Variants in SEPTIN10 observed in about 807,000 individuals in gnomAD.
SEPTIN10 encodes septin 10.
In SEPTIN10, 66 loss-of-function variants were observed where a neutral mutation model predicts 54.8. The ratio of observed to expected loss-of-function variants is 1.21; its 90% confidence interval spans 0.99 to 1.48. SEPTIN10 has a LOEUF of 1.48. Ranked by LOEUF, SEPTIN10 falls within the 40% of genes most tolerant of loss-of-function variation. The pLI, the probability that SEPTIN10 is intolerant of heterozygous loss-of-function variation, is 0.00. For missense variants in SEPTIN10, 620 were observed against 545.6 expected, an observed-to-expected ratio of 1.14 and a Z score of -1.36; for synonymous variants, 161 against 181.0, an observed-to-expected ratio of 0.89 and a Z score of 0.89.
chr2:109,548,775 C>CAAAAAAAAAAAAA (rs57096452), intron 9 of SEPTIN10, among the ~76,000 whole-genome samples: 2 of 63,542 alleles, frequency 3.1e-5, no homozygotes, highest in Non-Finnish European at 3.0e-5. Context: ...GGCTCCATCT[C>CAAAAAAAAAAAAA]AAAAAAAAAA....
intron 1 of SEPTIN10, among the ~76,000 whole-genome samples, chr2:109,610,508 A>ACTG (rs1699026781): frequency 6.6e-6 from 1 of 152,194 alleles, no homozygotes; most frequent in Non-Finnish European, 1.5e-5. Context: ...TGAGGTTGGG[A>ACTG]GTTCAAGACC....
chr2:109,596,222 G>A (rs920974390), intron 1 of SEPTIN10, among the ~76,000 whole-genome samples: 1 of 152,054 alleles, frequency 6.6e-6, no homozygotes, highest in Non-Finnish European at 1.5e-5. Flanking sequence ...AAAATTACTG[G>A]TAAAAAAGTG....
rs202212880 is a variant in SEPTIN10 at position 109,567,863 on chromosome 2, C to A, written c.714G>T (p.Gln238His). The change falls in exon 6 of 11, where the codon CAG (glutamine) becomes CAT (histidine). Residue 238 changes from glutamine to histidine, a missense_variant. Physicochemically the swap from Gln to His is conservative, Grantham distance 24. Coordinates refer to ENST00000397712, the MANE Select transcript of SEPTIN10 (RefSeq NM_144710.5). Reference sequence around the variant, plus strand: ...CAATAGTGTCATCATCCGTTGGGAACTGGTATATCTGGACGCCATTGCTGA... The same window carrying A: ...CAATAGTGTCATCATCCGTTGGGAAATGGTATATCTGGACGCCATTGCTGA... ...ELVSNGVQIY[Q>H]FPTDDDTIAK... 1.9e-6 allele frequency: 3 copies of A among 1,613,192 alleles called. No individual in the cohort carries two copies. Among genetic ancestry groups the A allele is most frequent in the Admixed American group, 1.7e-5 (1 of 59,848 alleles).
intron 5 of SEPTIN10, among the ~76,000 whole-genome samples, chr2:109,569,079 G>C (rs1169818358): frequency 6.6e-6 from 1 of 152,106 alleles, no homozygotes; most frequent in Non-Finnish European, 1.5e-5. Flanking sequence ...AAAAACCTCA[G>C]GCTAATCAGT....
intron 1 of SEPTIN10, among the ~76,000 whole-genome samples, chr2:109,612,658 T>C (rs566731180): frequency 3.9e-5 from 6 of 152,314 alleles, no homozygotes; most frequent in Admixed American, 2.0e-4. Flanking sequence ...ACGTAATCTA[T>C]GAATCAAAGA....
At chr2:109,557,511 A>C (rs1469814067) in intron 8 of SEPTIN10, among the ~76,000 whole-genome samples, 1 of 152,252 alleles carries the variant, frequency 6.6e-6, no homozygotes, top group Admixed American at 6.5e-5. Context: ...ACTTGTTCCA[A>C]AGTCCATATT....
At position 109,574,637 on chromosome 2, in the gene SEPTIN10, T is replaced by C. The variant is rs1380835284; in HGVS notation, c.544A>G (p.Thr182Ala). ...TCAAGTGTCTTCAGAGAGTGGCCTG[T>C]CGGTGAAATGAAGTAGAGACACACA... ...IHVCLYFISP[T>A]GHSLKTLDLL... Residue 182 changes from threonine (T) to alanine (A), a missense_variant, in exon 5 of 11, where the codon ACA (threonine) becomes GCA (alanine). Coordinates refer to ENST00000397712, the MANE Select transcript of SEPTIN10 (RefSeq NM_144710.5). The C allele has an allele frequency of 1.2e-6, 2 of 1,605,302 alleles. No individual in the cohort carries two copies. Among genetic ancestry groups the C allele is most frequent in the Admixed American group, 3.4e-5 (2 of 58,760 alleles).
chr2:109,584,649 G>C (rs1157546122), intron 4 of SEPTIN10, among the ~76,000 whole-genome samples: 1 of 151,634 alleles, frequency 6.6e-6, no homozygotes, highest in African/African-American at 2.4e-5. Context: ...AGAGACACAA[G>C]GTAAAATATA....
Position 109,564,362 on chromosome 2 carries a change from C to A in SEPTIN10, c.1028+4G>T. On this transcript the variant is annotated splice_donor_region_variant and intron_variant, in intron 8 of 10. Transcript: ENST00000397712. ...TGGTTGGCTTCCCAAGAACCCCACC[C>A]TACCTGACTGGCTTGTTTTCTGGGC... 6.5e-7 allele frequency: 1 copy of A among 1,548,178 alleles called. No individual in the cohort carries two copies. Among genetic ancestry groups the A allele is most frequent in the Non-Finnish European group, 8.7e-7 (1 of 1,143,262 alleles).
At chr2:109,612,380 T>C (rs1408348223) in intron 1 of SEPTIN10, among the ~76,000 whole-genome samples, 2 of 152,188 alleles carry the variant, frequency 1.3e-5, no homozygotes, top group Non-Finnish European at 2.9e-5. Context: ...ACATCCTTTA[T>C]CTTCACTGTA....
rs1185486244 is a variant in SEPTIN10 at position 109,559,911 on chromosome 2, CTTTTTT to C, written c.1028+4449_1028+4454del. ...GACCTATGTAGCCTCCAACCAATGCCTTTTTTTTTTTTTTTTTTTTGTCTTTTAAGA... is the reference window on the plus strand; with the variant it reads ...GACCTATGTAGCCTCCAACCAATGCCTTTTTTTTTTTTTTGTCTTTTAAGA... On this transcript the variant is annotated intron_variant, in intron 8 of 10. Transcript: ENST00000397712. Among the ~76,000 whole-genome samples the C allele has an allele frequency of 6.0e-5, 7 of 117,558 alleles. No homozygotes were observed. In the East Asian group the frequency reaches 1.3e-3, roughly 22 times the overall value. 77.1% of individuals were successfully genotyped at this position (117,558 alleles called of 152,430 possible).
chr2:109,611,665 G>T (rs1280872398), intron 1 of SEPTIN10, among the ~76,000 whole-genome samples: 14 of 151,628 alleles, frequency 9.2e-5, no homozygotes. Flanking sequence ...GGTGGCTGAG[G>T]CAGGAGGATC....
At chr2:109,548,177 C>CAA (rs36031306) in intron 9 of SEPTIN10, among the ~76,000 whole-genome samples, 4 of 145,664 alleles carry the variant, frequency 2.7e-5, no homozygotes, top group Admixed American at 6.8e-5. Flanking sequence ...TGGCTTACCT[C>CAA]AAAAAAAAAA....
chr2:109,585,717 G>A lies in SEPTIN10; in HGVS notation c.217+4C>T, dbSNP rs377398817. 3.9e-5 allele frequency: 62 copies of A among 1,593,166 alleles called. No individual in the cohort carries two copies. The Admixed American group carries it at 5.2e-4, about 13-fold the overall frequency. On this transcript the variant is annotated splice_donor_region_variant and intron_variant, in intron 3 of 10. Transcript: ENST00000397712. ...AACTTAGAGGAAGAGTAGGTGGCAC[G>A]TACCCACACAGAGAATATTAAAGCA...
chr2:109,561,220 TTC>T (rs1685583232), intron 8 of SEPTIN10, among the ~76,000 whole-genome samples: 2 of 152,096 alleles, frequency 1.3e-5, no homozygotes, highest in South Asian at 4.2e-4. Context: ...ACAGATGCCA[TTC>T]TCTCTCCATC....
intron 10 of SEPTIN10, chr2:109,544,609 A>G: frequency 1.0e-6 from 1 of 956,718 alleles, no homozygotes; most frequent in Non-Finnish European, 1.2e-6. Context: ...ATATAGGGGA[A>G]AAAATGGGAA....
intron 10 of SEPTIN10, chr2:109,545,005 C>T: frequency 3.0e-6 from 3 of 985,418 alleles, no homozygotes; most frequent in Non-Finnish European, 3.6e-6. Context: ...TGGTTTACTT[C>T]TCCATATTTA....
chr2:109,579,508 T>C (rs960741092), intron 4 of SEPTIN10, among the ~76,000 whole-genome samples: 2 of 151,670 alleles, frequency 1.3e-5, no homozygotes, highest in Non-Finnish European at 2.9e-5. Context: ...CTCAGCCTCC[T>C]GAGTAGCTGG....
chr2:109,606,145 C>T (rs964728903), intron 1 of SEPTIN10, among the ~76,000 whole-genome samples: 1 of 152,146 alleles, frequency 6.6e-6, no homozygotes, highest in Non-Finnish European at 1.5e-5. Context: ...GGCCGGGTGC[C>T]GTGGCTCATG....
Sources: gnomAD v4.1 joint callset for allele counts (sites outside exome capture counted in the v4.1 genomes callset) on GRCh38, gnomAD v4.1.1 for gene constraint, MANE v1.5 for transcripts, NCBI Gene and HGNC (gene_info 2026-07-23, HGNC 2026-07-21) for gene names.